NSD2: variants seen among roughly 807,000 people sequenced by gnomAD.
NSD2 encodes histone-lysine N-methyltransferase NSD2.
A neutral mutation model predicts 139.0 loss-of-function variants in NSD2; 12 were observed. The observed-to-expected ratio is 0.09, with a 90% confidence interval of 0.06 to 0.14. NSD2 has a LOEUF of 0.14. Ranked by LOEUF, NSD2 falls within the 10% of genes least tolerant of loss-of-function variation. NSD2 has a pLI of 1.00. For synonymous variants in NSD2, 669 were observed against 648.7 expected (o/e 1.03, Z -0.48); for missense variants, 1,155 against 1,745.0 (o/e 0.66, Z 6.02).
intron 3 of NSD2, among the ~76,000 whole-genome samples, chr4:1,913,448 C>G (rs1560625638): frequency 6.6e-6 from 1 of 152,278 alleles, no homozygotes; most frequent in Non-Finnish European, 1.5e-5. Context: ...CCCTGTGATG[C>G]TGTGCTTCAG....
At position 1,961,091 on chromosome 4, in the gene NSD2, G is replaced by T; in HGVS notation, c.3312G>T (p.Ala1104=). 6.2e-7 allele frequency: 1 copy of T among 1,613,646 alleles called. No homozygotes were observed. Among genetic ancestry groups the T allele is most frequent in the South Asian group, 1.1e-5 (1 of 91,044 alleles). Residue 1104 remains alanine, a synonymous_variant, in exon 18 of 22, where the codon GCG becomes GCT. Coordinates refer to ENST00000508803, the MANE Select transcript of NSD2 (RefSeq NM_001042424.3). The stretch of plus-strand genomic sequence containing the variant: ...TGATCGACGAGGAGGAGTGCATGGC[G>T]AGAATCAAGCACGCACACGAGAACG... ...GELIDEEECM[A]RIKHAHENDI... is the part of the protein sequence containing the mutation.
intron 9 of NSD2, chr4:1,943,130 T>G (rs1723269972): frequency 9.6e-7 from 1 of 1,045,288 alleles, no homozygotes; most frequent in African/African-American, 1.7e-5. Context: ...TGTCTTAATG[T>G]CGGGGAGCAG....
At chr4:1,888,350 T>C (rs947919411) in intron 1 of NSD2, among the ~76,000 whole-genome samples, 43 of 135,490 alleles carry the variant, frequency 3.2e-4, no homozygotes, top group African/African-American at 1.1e-3. Context: ...GAGGCAGAGG[T>C]TGCAGTGAGC....
chr4:1,903,447 C>T (rs541784128), intron 2 of NSD2, among the ~76,000 whole-genome samples: 2 of 152,306 alleles, frequency 1.3e-5, no homozygotes, highest in South Asian at 2.1e-4. Flanking sequence ...CCGAGACTTG[C>T]TCCTAGTCCT....
chr4:1,886,837 CA>C (rs776652038), intron 1 of NSD2, among the ~76,000 whole-genome samples: 7 of 147,160 alleles, frequency 4.8e-5, no homozygotes, highest in African/African-American at 7.4e-5. Flanking sequence ...GACTCCATCT[CA>C]AAAAAAAAAT....
rs1725051157 is a variant in NSD2 at position 1,958,488 on chromosome 4, G to GCTC, written c.2985+452_2985+453insCTC. On this transcript the variant is annotated intron_variant, in intron 16 of 21. Coordinates refer to ENST00000508803, the MANE Select transcript of NSD2 (RefSeq NM_001042424.3). The surrounding 1 kb of genome is among the most constrained non-coding windows in gnomAD (Gnocchi z 4.6). ...TCTGTGTTTATTCCAGTGAGCTCGAGAGCCCCAGCAGGAGGAAGTGCAGCC... is the reference window on the plus strand; with the variant it reads ...TCTGTGTTTATTCCAGTGAGCTCGAGCTCAGCCCCAGCAGGAGGAAGTGCAGCC... Among the ~76,000 whole-genome samples the GCTC allele has an allele frequency of 6.6e-6, 1 of 152,244 alleles. No individual in the cohort carries two copies. The highest frequency in any genetic ancestry group is 1.5e-5 in the Non-Finnish European group (1 of 68,038).
chr4:1,910,810 C>T (rs1560618834), intron 3 of NSD2, among the ~76,000 whole-genome samples: 1 of 152,136 alleles, frequency 6.6e-6, no homozygotes, highest in East Asian at 1.9e-4. Flanking sequence ...GTAGTTCTGG[C>T]AGTTTCTGCT....
intron 1 of NSD2, among the ~76,000 whole-genome samples, chr4:1,880,672 C>G (rs1274013306): frequency 6.6e-6 from 1 of 150,872 alleles, no homozygotes; most frequent in East Asian, 1.9e-4. Flanking sequence ...AACCAATCTA[C>G]AGGAAATACA....
At chr4:1,918,719 C>T in intron 5 of NSD2, 96 bp downstream of exon 5, 1 of 1,484,426 alleles carries the variant, frequency 6.7e-7, no homozygotes, top group Non-Finnish European at 9.1e-7. Context: ...TATCAGGAGA[C>T]TCTAACATGA....
At position 1,981,796 on chromosome 4, in the gene NSD2, A is replaced by T. The variant is rs1030398192; in HGVS notation, c.*2887A>T. The T allele has an allele frequency of 7.5e-6, 3 of 398,566 alleles. No homozygotes were observed. Among genetic ancestry groups the T allele is most frequent in the Admixed American group, 4.4e-5 (1 of 22,728 alleles). The allele number at this position is 398,566 out of a possible 1,614,324, so 24.7% of individuals were successfully genotyped here. On this transcript the variant is annotated 3_prime_UTR_variant, in exon 22 of 22. Transcript: ENST00000508803. ...CCTGTTTTATAATTCAAGTTAATGCAAATGACTGTCAGTTGCCAAATATCT... is the reference window on the plus strand; with the variant it reads ...CCTGTTTTATAATTCAAGTTAATGCTAATGACTGTCAGTTGCCAAATATCT...
chr4:1,900,747 C>T lies in NSD2; in HGVS notation c.93C>T (p.Ala31=). 6.2e-7 allele frequency: 1 copy of T among 1,614,108 alleles called. No homozygotes were observed. Among genetic ancestry groups the T allele is most frequent in the South Asian group, 1.1e-5 (1 of 91,064 alleles). ...MKQAPEILGS[A]NGKTPSCEVN... ...AGGCACCAGAAATCCTCGGCAGTGC[C>T]AACGGGAAGACTCCGAGCTGCGAGG... The change falls in exon 2 of 22, where the codon GCC becomes GCT. Residue 31 remains alanine (A), a synonymous_variant. Coordinates refer to ENST00000508803, the MANE Select transcript of NSD2 (RefSeq NM_001042424.3).
At chr4:1,930,553 G>T in intron 5 of NSD2, 73 bp from the exon 6 acceptor site, 1 of 1,467,580 alleles carries the variant, frequency 6.8e-7, no homozygotes, top group Non-Finnish European at 9.1e-7. Flanking sequence ...CCGTGCATTT[G>T]ATTTCATGCA....
In NSD2 at chr4:1,938,523, A is replaced by G; in HGVS notation, c.1747A>G (p.Ser583Gly). 6.5e-7 allele frequency: 1 copy of G among 1,534,338 alleles called. No homozygotes were observed. Among genetic ancestry groups the G allele is most frequent in the Non-Finnish European group, 8.8e-7 (1 of 1,137,192 alleles). Reference sequence around the variant, plus strand: ...CATGGAGGCAGCCTCCTCGCTCAAGAGCCAGGCAGGTAATGTGGTCAGCGC... The same window carrying G: ...CATGGAGGCAGCCTCCTCGCTCAAGGGCCAGGCAGGTAATGTGGTCAGCGC... ...KAMEAASSLK[S>G]QAATKNLSDA... is the part of the protein sequence containing the mutation. Residue 583 changes from serine to glycine, a missense_variant, in exon 8 of 22, where the codon AGC becomes GGC. Coordinates refer to ENST00000508803, the MANE Select transcript of NSD2 (RefSeq NM_001042424.3).
intron 1 of NSD2, among the ~76,000 whole-genome samples, chr4:1,896,830 C>T (rs532514425): frequency 3.1e-5 from 4 of 130,656 alleles, no homozygotes; most frequent in Admixed American, 7.9e-5. Context: ...CTTTTCCTTT[C>T]TTCTCTTCTC....
intron 16 of NSD2, 21 bp from the exon 17 acceptor site, chr4:1,959,450 C>T (rs762820570): frequency 1.2e-6 from 2 of 1,608,118 alleles, no homozygotes; most frequent in Non-Finnish European, 1.7e-6. Flanking sequence ...TGGACCAAGA[C>T]AGCTTACTCC....
intron 1 of NSD2, among the ~76,000 whole-genome samples, chr4:1,875,377 G>T (rs1434261923): frequency 6.6e-6 from 1 of 150,656 alleles, no homozygotes; most frequent in African/African-American, 2.5e-5. Flanking sequence ...GATCACCTGG[G>T]CTCAATCGAT....
intron 9 of NSD2, chr4:1,945,925 C>A: frequency 2.8e-6 from 3 of 1,057,590 alleles, no homozygotes; most frequent in African/African-American, 1.6e-5. Flanking sequence ...TCTCTAACAT[C>A]TAGCCCTTTT....
chr4:1,908,763 A>T (rs1718273167), intron 3 of NSD2, among the ~76,000 whole-genome samples: 1 of 152,036 alleles, frequency 6.6e-6, no homozygotes, highest in Non-Finnish European at 1.5e-5. Context: ...AGTCTGTCCC[A>T]ACAGTGTAGC....
At chr4:1,971,750 T>TTTA (rs1726506117) in intron 18 of NSD2, among the ~76,000 whole-genome samples, 2 of 151,416 alleles carry the variant, frequency 1.3e-5, no homozygotes, top group South Asian at 4.2e-4. Context: ...CCGAGTGGGG[T>TTTA]TTACCCCAGG....
Sources: allele counts gnomAD v4.1 joint callset (sites outside exome capture counted in the v4.1 genomes callset), GRCh38; gene constraint gnomAD v4.1.1; non-coding constraint Gnocchi (gnomAD v3.1); transcripts MANE v1.5; gene names NCBI Gene and HGNC (gene_info 2026-07-23, HGNC 2026-07-21).